FAT3: variants seen among roughly 807,000 people sequenced by gnomAD.
The protein encoded by FAT3 is FAT atypical cadherin 3, also known as protocadherin Fat 3.
A neutral mutation model predicts 310.2 loss-of-function variants in FAT3; 95 were observed. The observed-to-expected ratio is 0.31, with a 90% confidence interval of 0.26 to 0.36. FAT3 has a LOEUF of 0.36. FAT3 is among the 10% of genes least tolerant of loss of function. The pLI is 1.00. For synonymous variants in FAT3, 2,314 were observed against 2,192.9 expected (o/e 1.06, Z -1.54); for missense variants, 5,408 against 5,715.6 (o/e 0.95, Z 1.74).
At chr11:92,671,092 T>C (rs898573247) in intron 3 of FAT3, among the ~76,000 whole-genome samples, 1 of 152,040 alleles carries the variant, frequency 6.6e-6, no homozygotes, top group Admixed American at 6.6e-5. Context: ...TCATCCAGGC[T>C]GGAGTGCGGT....
intron 2 of FAT3, among the ~76,000 whole-genome samples, chr11:92,381,359 A>G (rs760698127): frequency 2.6e-5 from 4 of 152,130 alleles, no homozygotes; most frequent in Non-Finnish European, 5.9e-5. Flanking sequence ...CCTAAAATAC[A>G]AAAATTAGCT....
At chr11:92,810,552 CTAAT>C (rs1591765536) in intron 13 of FAT3, among the ~76,000 whole-genome samples, 1 of 152,116 alleles carries the variant, frequency 6.6e-6, no homozygotes, top group East Asian at 1.9e-4. Context: ...AGTGCAAAGA[CTAAT>C]TACTAAATGT....
At chr11:92,625,588 T>C (rs185678244) in intron 3 of FAT3, among the ~76,000 whole-genome samples, 50 of 152,268 alleles carry the variant, frequency 3.3e-4, no homozygotes, top group South Asian at 1.0e-3. Context: ...TACTGTCAAA[T>C]TTAGCAGCTA....
chr11:92,654,174 C>T (rs1344172057), intron 3 of FAT3, among the ~76,000 whole-genome samples: 2 of 152,232 alleles, frequency 1.3e-5, no homozygotes, highest in African/African-American at 2.4e-5. Context: ...TAGTTCATTA[C>T]ACATTTCCCT....
chr11:92,774,114 A>G lies in FAT3; in HGVS notation c.4269A>G (p.Ala1423=). ...TTGTCATCGCAAAACCTTTGGATGC[A>G]GAGCAGAGGTCCATCTATAATATGA... The part of the protein sequence containing the change: ...GTIVIAKPLD[A]EQRSIYNMSV... The change falls in exon 7 of 28, where the codon GCA becomes GCG. Residue 1423 remains alanine, a synonymous_variant. Transcript: ENST00000525166. 2 of 1,613,792 alleles carry G rather than the reference A, an allele frequency of 1.2e-6. No homozygotes were observed. The highest frequency in any genetic ancestry group is 8.5e-7 in the Non-Finnish European group (1 of 1,179,732).
At chr11:92,439,996 G>T (rs1951031839) in intron 2 of FAT3, among the ~76,000 whole-genome samples, 1 of 152,046 alleles carries the variant, frequency 6.6e-6, no homozygotes, top group African/African-American at 2.4e-5. Context: ...TGCTATTAAA[G>T]AGATACACAA....
At chr11:92,666,127 T>C (rs910824915) in intron 3 of FAT3, among the ~76,000 whole-genome samples, 9 of 152,234 alleles carry the variant, frequency 5.9e-5, no homozygotes, top group African/African-American at 2.2e-4. Flanking sequence ...TTTGTGACAT[T>C]ACCTGTTGGC....
intron 3 of FAT3, among the ~76,000 whole-genome samples, chr11:92,562,426 A>T (rs1203236439): frequency 2.0e-5 from 3 of 152,164 alleles, no homozygotes; most frequent in African/African-American, 7.2e-5. Context: ...ACTCTGATGT[A>T]AATTTCTTAA....
At chr11:92,493,043 A>C (rs2135243156) in intron 2 of FAT3, among the ~76,000 whole-genome samples, 1 of 152,240 alleles carries the variant, frequency 6.6e-6, no homozygotes, top group Non-Finnish European at 1.5e-5. Context: ...AGTAGATTTC[A>C]AACGACTTGT....
At position 92,806,478 on chromosome 11, in the gene FAT3, A is replaced by C. The variant is rs776482364; in HGVS notation, c.9210A>C (p.Gly3070=). 6.4e-7 allele frequency: 1 copy of C among 1,559,322 alleles called. No individual in the cohort carries two copies. Among genetic ancestry groups the C allele is most frequent in the South Asian group, 1.2e-5 (1 of 84,638 alleles). Residue 3070 remains glycine (G), a synonymous_variant, in exon 12 of 28, where the codon GGA becomes GGC. Coordinates refer to ENST00000525166, the MANE Select transcript of FAT3 (RefSeq NM_001367949.2). ...SNGYIRYSLY[G]SGNSEFFLDP... ...GATATATACGATACTCACTCTATGG[A>C]TCTGGAAACAGTGAATTTTTTCTAG...
At chr11:92,746,314 A>G (rs564060219) in intron 4 of FAT3, among the ~76,000 whole-genome samples, 39 of 152,340 alleles carry the variant, frequency 2.6e-4, no homozygotes, top group African/African-American at 9.1e-4. Context: ...CATGTCTTAC[A>G]TGGCAGCAGG....
At chr11:92,345,201 T>C (rs1440168694) in intron 1 of FAT3, among the ~76,000 whole-genome samples, 2 of 152,060 alleles carry the variant, frequency 1.3e-5, no homozygotes, top group Non-Finnish European at 2.9e-5. Flanking sequence ...GCTGTAGAGT[T>C]AATGGTGTAT....
intron 1 of FAT3, among the ~76,000 whole-genome samples, chr11:92,281,101 C>T (rs1222121495): frequency 6.6e-6 from 1 of 152,114 alleles, no homozygotes; most frequent in Non-Finnish European, 1.5e-5. Flanking sequence ...TGCAATATTA[C>T]ATAGCTATTA....
intron 13 of FAT3, among the ~76,000 whole-genome samples, chr11:92,825,281 T>A (rs1032474574): frequency 6.6e-6 from 1 of 152,212 alleles, no homozygotes; most frequent in Admixed American, 6.5e-5. Context: ...TGTGCCAGGG[T>A]CTGTGCTCAG....
rs574059693 is a variant in FAT3, at chr11:92,824,466, G to A, written c.9482-7156G>A. 6.6e-5 allele frequency among the ~76,000 whole-genome samples: 10 copies of A among 152,266 alleles called. No homozygotes were observed. The East Asian group carries it at 1.5e-3, about 24-fold the overall frequency. On this transcript the variant is annotated intron_variant, in intron 13 of 27. Coordinates refer to ENST00000525166, the MANE Select transcript of FAT3 (RefSeq NM_001367949.2). ...TTCTAAGTAAAGCCAGTGTCTTTCT[G>A]AAGACAAACTATAATGGAGAATAGA...
chr11:92,305,381 C>A (rs1218220177), intron 1 of FAT3, among the ~76,000 whole-genome samples: 1 of 152,106 alleles, frequency 6.6e-6, no homozygotes, highest in South Asian at 2.1e-4. Flanking sequence ...GGAAAAGCAC[C>A]ATTTGGTAAA....
intron 2 of FAT3, among the ~76,000 whole-genome samples, chr11:92,465,555 G>A (rs565101582): frequency 6.6e-6 from 1 of 152,216 alleles, no homozygotes; most frequent in Non-Finnish European, 1.5e-5. Context: ...CTGATGGCCA[G>A]TGATGATGAG....
chr11:92,755,510 C>T (rs371587637), intron 4 of FAT3, among the ~76,000 whole-genome samples: 1 of 152,192 alleles, frequency 6.6e-6, no homozygotes, highest in East Asian at 1.9e-4. Flanking sequence ...AGGCATGAAC[C>T]ACTACACCCT....
At chr11:92,470,967 A>G (rs1352607540) in intron 2 of FAT3, among the ~76,000 whole-genome samples, 1 of 152,112 alleles carries the variant, frequency 6.6e-6, no homozygotes, top group East Asian at 1.9e-4. Flanking sequence ...TTAGTATCAT[A>G]TTTTTCCTTG....
Sources: gnomAD v4.1 joint callset for allele counts (sites outside exome capture counted in the v4.1 genomes callset) on GRCh38, gnomAD v4.1.1 for gene constraint, MANE v1.5 for transcripts, NCBI Gene and HGNC (gene_info 2026-07-23, HGNC 2026-07-21) for gene names.